The following CALCR variants were observed in gnomAD, a reference collection of about 807,000 sequenced individuals.
CALCR encodes the protein calcitonin receptor.
Under a neutral mutation model 59.5 loss-of-function variants are expected in CALCR, and 47 were observed. That is an observed-to-expected ratio of 0.79 (90% CI 0.63 to 1.01). CALCR has a LOEUF of 1.01. Ranked by LOEUF, CALCR falls within the 50% of genes least tolerant of loss-of-function variation. The pLI, the probability that CALCR is intolerant of heterozygous loss-of-function variation, is 0.00. For synonymous variants in CALCR, 213 were observed against 211.3 expected, an observed-to-expected ratio of 1.01 and a Z score of -0.07; for missense variants, 566 against 597.1, an observed-to-expected ratio of 0.95 and a Z score of 0.54.
At chr7:93,467,309 T>C (rs976748428) in intron 7 of CALCR, among the ~76,000 whole-genome samples, 8 of 151,830 alleles carry the variant, frequency 5.3e-5, no homozygotes, top group African/African-American at 1.9e-4. Context: ...AAACCATTTA[T>C]GGAAGGAGCT....
intron 2 of CALCR, among the ~76,000 whole-genome samples, chr7:93,524,221 G>A (rs1801826592): frequency 6.7e-6 from 1 of 148,650 alleles, no homozygotes; most frequent in Non-Finnish European, 1.5e-5. Context: ...CCAGGCTGGA[G>A]TGCAGTGGCA....
chr7:93,494,619 G>A (rs747962620), intron 2 of CALCR, among the ~76,000 whole-genome samples: 2 of 151,354 alleles, frequency 1.3e-5, no homozygotes, highest in African/African-American at 2.4e-5. Flanking sequence ...CACCAAGCCT[G>A]CCTCTAGTCA....
chr7:93,569,126 C>T lies in CALCR; in HGVS notation c.-27+5163G>A, dbSNP rs1041560457. ...ACAAGGAGGCCCTAATTGATTCTTCCCTCTGTCACTGCAGTAAGGCTGCGT... is the reference window on the plus strand; with the variant it reads ...ACAAGGAGGCCCTAATTGATTCTTCTCTCTGTCACTGCAGTAAGGCTGCGT... On this transcript the variant is annotated intron_variant, in intron 2 of 13. Transcript: ENST00000426151. 1.2e-3 allele frequency among the ~76,000 whole-genome samples: 189 copies of T among 152,046 alleles called. 1 individual carries two copies. The highest frequency in any genetic ancestry group is 1.1e-3 in the Non-Finnish European group (73 of 67,984).
At chr7:93,442,911 T>A (rs1293557883) in intron 9 of CALCR, among the ~76,000 whole-genome samples, 1 of 152,126 alleles carries the variant, frequency 6.6e-6, no homozygotes, top group Non-Finnish European at 1.5e-5. Flanking sequence ...TCTGTTCAGT[T>A]CCCTTCCACC....
intron 2 of CALCR, among the ~76,000 whole-genome samples, chr7:93,573,516 G>C (rs997730654): frequency 6.6e-6 from 1 of 152,200 alleles, no homozygotes; most frequent in Non-Finnish European, 1.5e-5. Flanking sequence ...ATGTCACATA[G>C]TATTAGGTTA....
chr7:93,570,744 T>G (rs1419786101), intron 2 of CALCR, among the ~76,000 whole-genome samples: 3 of 152,196 alleles, frequency 2.0e-5, no homozygotes, highest in African/African-American at 7.2e-5. Flanking sequence ...GCTGCCAGCT[T>G]CAATGAGGTA....
intron 12 of CALCR, among the ~76,000 whole-genome samples, chr7:93,434,594 G>GAAAA (rs74532696): frequency 2.7e-5 from 4 of 146,944 alleles, no homozygotes; most frequent in Admixed American, 1.3e-4. Context: ...TGGTGAATTT[G>GAAAA]AAAAAAAAAA....
chr7:93,534,249 C>T (rs1005067923), intron 2 of CALCR, among the ~76,000 whole-genome samples: 3 of 151,648 alleles, frequency 2.0e-5, no homozygotes, highest in African/African-American at 7.3e-5. Context: ...ACATATAATA[C>T]AAGATATGTA....
Position 93,449,965 on chromosome 7 carries a change from G to A in CALCR, c.649-6208C>T, listed in dbSNP as rs933830268. Reference sequence around the variant, plus strand: ...TGGTCAAACAGGTGTTTCCCTTTGCGCTATGGTCTTCAGACTGGGCATGCG... The same window carrying A: ...TGGTCAAACAGGTGTTTCCCTTTGCACTATGGTCTTCAGACTGGGCATGCG... On this transcript the variant is annotated intron_variant, in intron 8 of 13. Coordinates refer to ENST00000426151, the MANE Select transcript of CALCR (RefSeq NM_001742.4). Among the ~76,000 whole-genome samples, 6 of 151,934 alleles carry A rather than the reference G, an allele frequency of 3.9e-5. No individual in the cohort carries two copies. The East Asian group carries it at 5.8e-4, about 15-fold the overall frequency.
At chr7:93,457,712 G>A (rs1403148382) in intron 8 of CALCR, among the ~76,000 whole-genome samples, 1 of 152,176 alleles carries the variant, frequency 6.6e-6, no homozygotes, top group East Asian at 1.9e-4. Flanking sequence ...GAGATTCTTA[G>A]TTAATTGCTT....
intron 2 of CALCR, among the ~76,000 whole-genome samples, chr7:93,548,788 G>C (rs1327614269): frequency 6.7e-6 from 1 of 150,308 alleles, no homozygotes; most frequent in Non-Finnish European, 1.5e-5. Context: ...TAGTTATGTT[G>C]TCTTGGCCAA....
intron 2 of CALCR, among the ~76,000 whole-genome samples, chr7:93,524,877 T>C: frequency 6.6e-6 from 1 of 152,174 alleles, no homozygotes; most frequent in Non-Finnish European, 1.5e-5. Context: ...ACTACAAAAC[T>C]AAAGTTTTTA....
At position 93,565,544 on chromosome 7, in the gene CALCR, T is replaced by C. The variant is rs191924731; in HGVS notation, c.-27+8745A>G. Among the ~76,000 whole-genome samples the C allele has an allele frequency of 3.9e-3, 596 of 152,374 alleles. 4 individuals are homozygous for C. The highest frequency in any genetic ancestry group is 0.02 in the Middle Eastern group (6 of 294). On this transcript the variant is annotated intron_variant, in intron 2 of 13. Coordinates refer to ENST00000426151, the MANE Select transcript of CALCR (RefSeq NM_001742.4). Reference sequence around the variant, plus strand: ...CTCATGGGATGCAATACAATTGTTTTCATTTTGAATAGGAAAAGAAGCCAC... The same window carrying C: ...CTCATGGGATGCAATACAATTGTTTCCATTTTGAATAGGAAAAGAAGCCAC...
intron 2 of CALCR, among the ~76,000 whole-genome samples, chr7:93,489,525 T>C (rs1284974435): frequency 6.6e-6 from 1 of 151,398 alleles, no homozygotes; most frequent in East Asian, 1.9e-4. Flanking sequence ...CTAGCTAGAC[T>C]AATAAAGAAG....
intron 2 of CALCR, among the ~76,000 whole-genome samples, chr7:93,532,251 T>C (rs1341636282): frequency 1.3e-5 from 2 of 152,048 alleles, no homozygotes; most frequent in East Asian, 3.9e-4. Flanking sequence ...GCAACCTCTA[T>C]AATAAAAATC....
chr7:93,477,260 G>C (rs1431785779), intron 5 of CALCR, among the ~76,000 whole-genome samples: 1 of 151,702 alleles, frequency 6.6e-6, no homozygotes, highest in African/African-American at 2.4e-5. Flanking sequence ...TGAGACAATT[G>C]AAAAATTTTT....
At chr7:93,568,343 T>A (rs1461929236) in intron 2 of CALCR, among the ~76,000 whole-genome samples, 2 of 152,112 alleles carry the variant, frequency 1.3e-5, no homozygotes, top group African/African-American at 2.4e-5. Context: ...AATCAGTGTC[T>A]CCATTTCCTC....
chr7:93,431,166 C>T (rs1799650873), intron 13 of CALCR, among the ~76,000 whole-genome samples: 1 of 152,174 alleles, frequency 6.6e-6, no homozygotes, highest in Admixed American at 6.5e-5. Context: ...ACACAAATGG[C>T]CTTGCATTTC....
intron 2 of CALCR, among the ~76,000 whole-genome samples, chr7:93,551,681 C>T (rs1248127691): frequency 6.6e-6 from 1 of 152,172 alleles, no homozygotes; most frequent in Non-Finnish European, 1.5e-5. Flanking sequence ...TTGTGGGGAG[C>T]ATCTCCTGGA....
Sources: allele counts gnomAD v4.1 joint callset (sites outside exome capture counted in the v4.1 genomes callset), GRCh38; gene constraint gnomAD v4.1.1; transcripts MANE v1.5; gene names NCBI Gene and HGNC (gene_info 2026-07-23, HGNC 2026-07-21).